DCC: variants seen among roughly 807,000 people sequenced by gnomAD.
DCC encodes DCC netrin 1 receptor.
A neutral mutation model predicts 172.5 loss-of-function variants in DCC; 58 were observed. The observed-to-expected ratio is 0.34, with a 90% CI of 0.27 to 0.42. The LOEUF (loss-of-function observed/expected upper bound fraction) is 0.42, where lower values mean the gene tolerates loss of function less well. Among genes scored for constraint, DCC ranks in the 10% least tolerant of loss-of-function variants. The pLI is 1.00. For missense variants in DCC, 1,740 were observed against 1,791.0 expected (o/e 0.97, Z 0.51); for synonymous variants, 709 against 644.5 (o/e 1.10, Z -1.52).
intron 5 of DCC, among the ~76,000 whole-genome samples, chr18:52,952,481 T>A (rs1048914963): frequency 6.6e-6 from 1 of 152,148 alleles, no homozygotes. Flanking sequence ...AGGACTGTTG[T>A]GATGATTACA....
chr18:52,848,486 A>G (rs2038929601), intron 2 of DCC, among the ~76,000 whole-genome samples: 1 of 152,214 alleles, frequency 6.6e-6, no homozygotes, highest in South Asian at 2.1e-4. Context: ...TTGGTGGTTT[A>G]AAATAATGCA....
At chr18:53,089,382 G>A (rs1047549069) in intron 7 of DCC, among the ~76,000 whole-genome samples, 3 of 151,824 alleles carry the variant, frequency 2.0e-5, no homozygotes, top group African/African-American at 4.8e-5. Flanking sequence ...CACTGCACCC[G>A]GCCGTACTCA....
intron 1 of DCC, among the ~76,000 whole-genome samples, chr18:52,682,759 G>A (rs538029239): frequency 2.0e-5 from 3 of 152,234 alleles, no homozygotes; most frequent in South Asian, 4.1e-4. Flanking sequence ...GATAATGACT[G>A]GGGGAAGGGT....
chr18:52,525,978 A>G (rs1280531212), intron 1 of DCC, among the ~76,000 whole-genome samples: 1 of 152,204 alleles, frequency 6.6e-6, no homozygotes, highest in African/African-American at 2.4e-5. Flanking sequence ...TGCACTAACT[A>G]ATGATATTCT....
rs1238095479 is a variant in DCC at position 53,178,996 on chromosome 18, C to G, written c.1453C>G (p.Leu485Val). 6 of 1,613,996 alleles carry G rather than the reference C, an allele frequency of 3.7e-6. No individual in the cohort carries two copies. The highest frequency in any genetic ancestry group is 5.1e-6 in the Non-Finnish European group (6 of 1,179,982). Residue 485 changes from leucine (L) to valine (V), a missense_variant, in exon 9 of 29, where the codon CTT (leucine) becomes GTT (valine). By Grantham distance (32) the Leu-to-Val change is conservative. Coordinates refer to ENST00000442544, the MANE Select transcript of DCC (RefSeq NM_005215.4). ...ATTGAATACAACACAGCCTGGGTCC[C>G]TTCAGCTCACTGTGGGAAACCTGAA... Reference protein sequence around the residue: ...RALNTTQPGSLQLTVGNLKPE... With the variant: ...RALNTTQPGSVQLTVGNLKPE...
intron 1 of DCC, among the ~76,000 whole-genome samples, chr18:52,408,654 A>T (rs1395984944): frequency 6.6e-6 from 1 of 152,128 alleles, no homozygotes; most frequent in East Asian, 1.9e-4. Flanking sequence ...CCTCTGAAGC[A>T]TCAAGCATCT....
At chr18:52,662,121 G>A (rs1304531219) in intron 1 of DCC, among the ~76,000 whole-genome samples, 7 of 152,122 alleles carry the variant, frequency 4.6e-5, no homozygotes, top group Admixed American at 6.5e-5. Context: ...ATCAGCTGGC[G>A]GGCTTGTTAA....
chr18:52,364,141 T>C (rs1474818501), intron 1 of DCC, among the ~76,000 whole-genome samples: 1 of 152,244 alleles, frequency 6.6e-6, no homozygotes, highest in Non-Finnish European at 1.5e-5. Context: ...ATATGTTTAA[T>C]ATTTAAATAC....
intron 1 of DCC, among the ~76,000 whole-genome samples, chr18:52,561,520 C>A (rs1273115502): frequency 6.6e-6 from 1 of 151,896 alleles, no homozygotes; most frequent in Non-Finnish European, 1.5e-5. Flanking sequence ...CTGCCTGATT[C>A]TTATCTGTAC....
intron 25 of DCC, among the ~76,000 whole-genome samples, chr18:53,479,327 T>C (rs2045804992): frequency 6.6e-6 from 1 of 152,198 alleles, no homozygotes; most frequent in Admixed American, 6.5e-5. Flanking sequence ...GGAACAGTAT[T>C]TTTTATTCAA....
chr18:53,035,385 A>G (rs1021242338), intron 5 of DCC, among the ~76,000 whole-genome samples: 1 of 152,082 alleles, frequency 6.6e-6, no homozygotes, highest in African/African-American at 2.4e-5. Context: ...GCTGAAAGCA[A>G]AGTTTTAAGG....
intron 12 of DCC, among the ~76,000 whole-genome samples, chr18:53,230,758 A>G (rs2056108434): frequency 6.6e-6 from 1 of 152,008 alleles, no homozygotes; most frequent in Non-Finnish European, 1.5e-5. Flanking sequence ...AGTATTTACA[A>G]ATTCCATAGA....
chr18:52,529,313 C>T (rs551605927), intron 1 of DCC, among the ~76,000 whole-genome samples: 108 of 152,202 alleles, frequency 7.1e-4, no homozygotes, highest in African/African-American at 2.6e-3. Flanking sequence ...GTTTTTGAAA[C>T]GGAGTCTCGC....
At chr18:52,461,236 C>T (rs1287067466) in intron 1 of DCC, among the ~76,000 whole-genome samples, 4 of 152,226 alleles carry the variant, frequency 2.6e-5, no homozygotes, top group Middle Eastern at 3.4e-3. Flanking sequence ...CATTCATGCC[C>T]CTGTCTTTCA....
At chr18:52,591,854 G>T (rs192857620) in intron 1 of DCC, among the ~76,000 whole-genome samples, 43 of 146,490 alleles carry the variant, frequency 2.9e-4, no homozygotes, top group African/African-American at 1.0e-3. Context: ...CAAACTTCTG[G>T]CCTCAAGCAG....
In DCC at chr18:53,269,934, G is replaced by A. The variant is rs111994439; in HGVS notation, c.1912-35644G>A. ...AATAGGATAGATTAAGGCTTGGAAT[G>A]TTGACGGAGAAAGAGCCTTCTAGAA... On this transcript the variant is annotated intron_variant, in intron 12 of 28. Transcript: ENST00000442544. Among the ~76,000 whole-genome samples, 78 of 152,260 alleles carry A rather than the reference G, an allele frequency of 5.1e-4. 1 individual carries two copies. The highest frequency in any genetic ancestry group is 1.4e-3 in the African/African-American group (60 of 41,570).
chr18:52,821,680 G>C (rs187998782), intron 2 of DCC, among the ~76,000 whole-genome samples: 1 of 152,266 alleles, frequency 6.6e-6, no homozygotes, highest in Non-Finnish European at 1.5e-5. Context: ...TTTTAACCTA[G>C]CTGAGTACTT....
intron 1 of DCC, among the ~76,000 whole-genome samples, chr18:52,578,027 G>A (rs1598927256): frequency 6.6e-6 from 1 of 152,080 alleles, no homozygotes; most frequent in East Asian, 1.9e-4. Context: ...GATCACCAAG[G>A]CAACGAGGAT....
chr18:53,459,526 T>G, intron 24 of DCC, 68 bp downstream of exon 24: 1 of 966,076 alleles, frequency 1.0e-6, no homozygotes, highest in Non-Finnish European at 1.7e-6. Flanking sequence ...TTTCACTCCT[T>G]TTATGGAAAT....
Sources: gnomAD v4.1 joint callset for allele counts (sites outside exome capture counted in the v4.1 genomes callset) on GRCh38, gnomAD v4.1.1 for gene constraint, MANE v1.5 for transcripts, NCBI Gene and HGNC (gene_info 2026-07-23, HGNC 2026-07-21) for gene names.